CNTN4: variants seen among roughly 807,000 people sequenced by gnomAD.
CNTN4 encodes contactin-4.
In CNTN4, 77 loss-of-function variants were observed where a neutral mutation model predicts 122.5. That is an observed-to-expected ratio of 0.63 (90% CI 0.52 to 0.76). The LOEUF is 0.76. Ranked by LOEUF, CNTN4 falls within the 30% of genes least tolerant of loss-of-function variation. CNTN4 has a pLI of 0.00. For synonymous variants in CNTN4, 512 were observed against 447.0 expected (o/e 1.15, Z -1.83); for missense variants, 1,256 against 1,259.1 (o/e 1.00, Z 0.04).
intron 2 of CNTN4, among the ~76,000 whole-genome samples, chr3:2,216,700 T>C (rs886177092): frequency 6.6e-6 from 1 of 152,142 alleles, no homozygotes; most frequent in African/African-American, 2.4e-5. Flanking sequence ...ATGGAAAATG[T>C]CCCAATAAAC....
intron 23 of CNTN4, among the ~76,000 whole-genome samples, chr3:3,052,253 T>C (rs1364399612): frequency 6.6e-6 from 1 of 152,206 alleles, no homozygotes; most frequent in Non-Finnish European, 1.5e-5. Context: ...CACTTTGAGC[T>C]AGAGAGTTCT....
intron 6 of CNTN4, among the ~76,000 whole-genome samples, chr3:2,807,650 G>A (rs1034208687): frequency 3.8e-4 from 58 of 152,140 alleles, no homozygotes; most frequent in African/African-American, 1.3e-3. Context: ...CCCTAAAATA[G>A]CTATGATGCA....
intron 4 of CNTN4, among the ~76,000 whole-genome samples, chr3:2,705,849 T>G (rs1559409115): frequency 2.0e-5 from 2 of 100,734 alleles, no homozygotes; most frequent in East Asian, 2.7e-4. Flanking sequence ...ATATAATATA[T>G]AATATATGTG....
At chr3:2,702,903 G>A (rs894154612) in intron 4 of CNTN4, among the ~76,000 whole-genome samples, 1 of 152,194 alleles carries the variant, frequency 6.6e-6, no homozygotes, top group African/African-American at 2.4e-5. Context: ...CTTTTCAAAG[G>A]AAATGTGGTA....
chr3:2,298,554 A>G (rs2042392739), intron 2 of CNTN4, among the ~76,000 whole-genome samples: 1 of 152,128 alleles, frequency 6.6e-6, no homozygotes, highest in African/African-American at 2.4e-5. Flanking sequence ...CTCCGTCCAT[A>G]TATCTCTCCT....
intron 6 of CNTN4, among the ~76,000 whole-genome samples, chr3:2,816,820 C>CA (rs538762827): frequency 0.029 from 2,102 of 72,980 alleles, 58 homozygotes; most frequent in African/African-American, 0.086. Context: ...ACTCTGTCTC[C>CA]AAAAAAAAAA....
At chr3:2,508,885 A>T (rs571593670) in intron 3 of CNTN4, among the ~76,000 whole-genome samples, 30 of 152,274 alleles carry the variant, frequency 2.0e-4, no homozygotes, top group African/African-American at 7.0e-4. Context: ...CCAGATTTAG[A>T]TTTTTATTAT....
At chr3:2,231,987 A>G (rs966349127) in intron 2 of CNTN4, among the ~76,000 whole-genome samples, 2 of 152,156 alleles carry the variant, frequency 1.3e-5, no homozygotes, top group Non-Finnish European at 2.9e-5. Flanking sequence ...TTTTCCCTAA[A>G]TGACAAAGCT....
chr3:2,181,999 C>G (rs1029309913), intron 2 of CNTN4, among the ~76,000 whole-genome samples: 3 of 152,080 alleles, frequency 2.0e-5, no homozygotes, highest in African/African-American at 7.2e-5. Context: ...CACAGTAAAT[C>G]CATTTCAATA....
intron 3 of CNTN4, among the ~76,000 whole-genome samples, chr3:2,360,805 C>G (rs1309304590): frequency 6.6e-6 from 1 of 152,146 alleles, no homozygotes; most frequent in Non-Finnish European, 1.5e-5. Context: ...TTCACCTGGT[C>G]TCTCCCATGA....
chr3:3,023,580 G>A (rs747041741), intron 14 of CNTN4, among the ~76,000 whole-genome samples: 1 of 152,204 alleles, frequency 6.6e-6, no homozygotes, highest in African/African-American at 2.4e-5. Context: ...AAGTTGTCAG[G>A]AGATAGGAAG....
chr3:2,150,422 T>G (rs1033138834), intron 2 of CNTN4, among the ~76,000 whole-genome samples: 10 of 152,234 alleles, frequency 6.6e-5, no homozygotes, highest in Admixed American at 6.5e-5. Flanking sequence ...TTGCAATTTT[T>G]TTGGATATTT....
intron 13 of CNTN4, among the ~76,000 whole-genome samples, chr3:2,937,444 G>C (rs2094576820): frequency 6.6e-6 from 1 of 152,152 alleles, no homozygotes; most frequent in Admixed American, 6.5e-5. Context: ...CCATATTTCT[G>C]AACAACCAGT....
chr3:3,017,652 C>A (rs1697884534), intron 14 of CNTN4, among the ~76,000 whole-genome samples: 2 of 152,166 alleles, frequency 1.3e-5, no homozygotes, highest in African/African-American at 4.8e-5. Context: ...GTATTGGGTG[C>A]AATGTCCTTT....
intron 2 of CNTN4, among the ~76,000 whole-genome samples, chr3:2,266,266 A>C (rs1474155288): frequency 3.3e-5 from 5 of 152,054 alleles, no homozygotes; most frequent in Non-Finnish European, 7.4e-5. Flanking sequence ...GACAGTTTTC[A>C]TCATGAGGGC....
intron 2 of CNTN4, among the ~76,000 whole-genome samples, chr3:2,194,601 A>C (rs1236657996): frequency 6.6e-6 from 1 of 152,184 alleles, no homozygotes; most frequent in Non-Finnish European, 1.5e-5. Flanking sequence ...TTATTTGTAA[A>C]TAGGATTGTT....
At chr3:2,615,180 A>G (rs2081660834) in intron 4 of CNTN4, among the ~76,000 whole-genome samples, 1 of 152,214 alleles carries the variant, frequency 6.6e-6, no homozygotes, top group African/African-American at 2.4e-5. Context: ...CAAGGACACA[A>G]TTGTTAAATA....
chr3:2,604,341 T>TTTATG (rs1443021385), intron 4 of CNTN4, among the ~76,000 whole-genome samples: 2 of 152,164 alleles, frequency 1.3e-5, no homozygotes, highest in African/African-American at 2.4e-5. Context: ...AGGAAAGATG[T>TTTATG]TTTTTCATTT....
chr3:2,588,541 A>T (rs2080313741), intron 4 of CNTN4, among the ~76,000 whole-genome samples: 1 of 151,914 alleles, frequency 6.6e-6, no homozygotes. Flanking sequence ...AATTTTTTGT[A>T]CTTTTAGTAG....
Sources: gnomAD v4.1 joint callset for allele counts (sites outside exome capture counted in the v4.1 genomes callset) on GRCh38, gnomAD v4.1.1 for gene constraint, MANE v1.5 for transcripts, NCBI Gene and HGNC (gene_info 2026-07-23, HGNC 2026-07-21) for gene names.